Variants in CRB1 observed in about 807,000 individuals in gnomAD.
CRB1 encodes crumbs cell polarity complex component 1.
A neutral mutation model predicts 120.0 loss-of-function variants in CRB1; 83 were observed. That is an observed-to-expected ratio of 0.69 (90% CI 0.58 to 0.83). CRB1 has a LOEUF of 0.83. Among genes scored for constraint, CRB1 ranks in the 40% least tolerant of loss-of-function variants. The pLI, the probability that CRB1 is intolerant of heterozygous loss-of-function variation, is 0.00. For missense variants in CRB1, 1,699 were observed against 1,687.6 expected, an observed-to-expected ratio of 1.01 and a Z score of -0.12; for synonymous variants, 625 against 612.5, an observed-to-expected ratio of 1.02 and a Z score of -0.30.
intron 5 of CRB1, among the ~76,000 whole-genome samples, chr1:197,399,952 G>C (rs1286309793): frequency 6.6e-6 from 1 of 152,142 alleles, no homozygotes; most frequent in Non-Finnish European, 1.5e-5. Context: ...GATATCTCAC[G>C]ACCTTTGCCA....
intron 1 of CRB1, among the ~76,000 whole-genome samples, chr1:197,317,086 A>G (rs1657897663): frequency 6.6e-6 from 1 of 152,210 alleles, no homozygotes; most frequent in Non-Finnish European, 1.5e-5. Context: ...TACAATGTAC[A>G]CCTCTGCACC....
intron 2 of CRB1, among the ~76,000 whole-genome samples, chr1:197,330,933 G>A (rs557520911): frequency 6.6e-6 from 1 of 152,244 alleles, no homozygotes; most frequent in South Asian, 2.1e-4. Context: ...GGTGGCTCAC[G>A]CCTGTAATCC....
chr1:197,444,658 A>G (rs1558146024), intron 11 of CRB1: 1 of 152,148 alleles, frequency 6.6e-6, no homozygotes, highest in Non-Finnish European at 1.5e-5. Context: ...TGTCACTGTA[A>G]TTGTCAGTTG....
chr1:197,222,637 T>G, the CRB1 span: 2 of 776,122 alleles, frequency 2.6e-6, no homozygotes, highest in Non-Finnish European at 4.8e-6. Flanking sequence ...GCAAACTCAG[T>G]GTTTGAAGAC....
intron 2 of CRB1, among the ~76,000 whole-genome samples, chr1:197,343,222 T>G (rs2125326594): frequency 6.6e-6 from 1 of 152,286 alleles, no homozygotes; most frequent in African/African-American, 2.4e-5. Context: ...TTCTGAGTTT[T>G]TTGAAAGTCT....
intron 2 of CRB1, among the ~76,000 whole-genome samples, chr1:197,337,965 T>A (rs1406509133): frequency 6.6e-6 from 1 of 151,978 alleles, no homozygotes; most frequent in Non-Finnish European, 1.5e-5. Context: ...TAATTTGCTA[T>A]GATTAAAACA....
intron 11 of CRB1, among the ~76,000 whole-genome samples, chr1:197,449,260 T>G (rs1665839593): frequency 1.3e-5 from 2 of 152,212 alleles, no homozygotes; most frequent in Admixed American, 1.3e-4. Context: ...TTTTTCTGTT[T>G]CTTTATCCAG....
chr1:197,347,205 A>G, intron 3 of CRB1, 135 bp from the exon 4 acceptor site: 2 of 798,184 alleles, frequency 2.5e-6, no homozygotes, highest in Non-Finnish European at 4.4e-6. Flanking sequence ...TCCTGTATAG[A>G]TAATTCCCCA....
intron 1 of CRB1, among the ~76,000 whole-genome samples, chr1:197,300,158 A>G (rs1440271650): frequency 6.6e-6 from 1 of 151,920 alleles, no homozygotes; most frequent in East Asian, 1.9e-4. Context: ...TATTGAAATT[A>G]GGCCAATTAA....
chr1:197,271,929 A>T (rs1654931322), intron 1 of CRB1, among the ~76,000 whole-genome samples: 1 of 152,186 alleles, frequency 6.6e-6, no homozygotes, highest in Non-Finnish European at 1.5e-5. Flanking sequence ...CATGTAAAAA[A>T]AATGTGGTTT....
intron 6 of CRB1, among the ~76,000 whole-genome samples, chr1:197,422,179 T>TA (rs1664371245): frequency 1.3e-5 from 2 of 151,962 alleles, no homozygotes; most frequent in African/African-American, 2.4e-5. Flanking sequence ...TACAGAGAAG[T>TA]AAAAAAAATA....
At chr1:197,276,979 G>A (rs1039975850) in intron 1 of CRB1, among the ~76,000 whole-genome samples, 2 of 151,888 alleles carry the variant, frequency 1.3e-5, no homozygotes, top group African/African-American at 2.4e-5. Context: ...TATTCCAAAA[G>A]ATAAACATTG....
At chr1:197,243,818 G>C in the CRB1 span, among the ~76,000 whole-genome samples, 1 of 152,080 alleles carries the variant, frequency 6.6e-6, no homozygotes, top group African/African-American at 2.4e-5. Flanking sequence ...AAGTCTCTTT[G>C]TAGGTATCTA....
chr1:197,456,260 C>T, intron 11 of CRB1, among the ~76,000 whole-genome samples: 1 of 152,044 alleles, frequency 6.6e-6, no homozygotes, highest in East Asian at 1.9e-4. Flanking sequence ...CAGTTCATTT[C>T]CTTGACTTTT....
Position 197,454,985 on chromosome 1 carries a change from G to A in CRB1, c.4005+12693G>A, listed in dbSNP as rs569638274. 3.9e-5 allele frequency among the ~76,000 whole-genome samples: 6 copies of A among 152,202 alleles called. No homozygotes were observed. In the East Asian group the frequency reaches 7.7e-4, roughly 20 times the overall value. On this transcript the variant is annotated intron_variant, in intron 11 of 11. Coordinates refer to ENST00000367400, the MANE Select transcript of CRB1 (RefSeq NM_201253.3). The stretch of plus-strand genomic sequence containing the variant: ...TCGTACATAAGAGTTCTCTAATTTC[G>A]TGAATCATAAAGATATTTTTAATGT...
chr1:197,278,962 C>T (rs1655373125), intron 1 of CRB1, among the ~76,000 whole-genome samples: 1 of 151,958 alleles, frequency 6.6e-6, no homozygotes, highest in African/African-American at 2.4e-5. Flanking sequence ...GAAGTCTGTG[C>T]ATGGATCTGG....
At chr1:197,233,741 A>G in the CRB1 span, among the ~76,000 whole-genome samples, 2 of 152,244 alleles carry the variant, frequency 1.3e-5, no homozygotes. Flanking sequence ...GACTTATTCA[A>G]GGTCCACCTC....
At chr1:197,416,106 A>G (rs1663986961) in intron 5 of CRB1, among the ~76,000 whole-genome samples, 1 of 152,168 alleles carries the variant, frequency 6.6e-6, no homozygotes, top group Non-Finnish European at 1.5e-5. Flanking sequence ...TGTCTAGTGA[A>G]ATCTCTTCAG....
At chr1:197,453,504 GTA>G (rs1203581871) in intron 11 of CRB1, among the ~76,000 whole-genome samples, 1 of 138,664 alleles carries the variant, frequency 7.2e-6, no homozygotes, top group Non-Finnish European at 1.5e-5. Flanking sequence ...ATATATATGT[GTA>G]TATATATGTG....
Sources: allele counts gnomAD v4.1 joint callset (sites outside exome capture counted in the v4.1 genomes callset), GRCh38; gene constraint gnomAD v4.1.1; transcripts MANE v1.5; gene names NCBI Gene and HGNC (gene_info 2026-07-23, HGNC 2026-07-21).